SLC36A1: variants seen among roughly 807,000 people sequenced by gnomAD.
SLC36A1 encodes solute carrier family 36 member 1.
Under a neutral mutation model 47.5 loss-of-function variants are expected in SLC36A1, and 30 were observed. The ratio of observed to expected loss-of-function variants is 0.63; its 90% CI spans 0.47 to 0.86. The LOEUF is 0.86. Among genes scored for constraint, SLC36A1 ranks in the 40% least tolerant of loss-of-function variants. The pLI is 0.00. For synonymous variants in SLC36A1, 255 were observed against 249.7 expected (o/e 1.02, Z -0.20); for missense variants, 517 against 606.0 (o/e 0.85, Z 1.54).
chr5:151,529,962 TTTTG>T, the SLC36A1 span, among the ~76,000 whole-genome samples: 7 of 152,232 alleles, frequency 4.6e-5, no homozygotes, highest in Non-Finnish European at 8.8e-5. Context: ...ACACTCTGCT[TTTTG>T]TTTTATTTTA....
chr5:151,522,224 T>A, the SLC36A1 span: 1 of 613,402 alleles, frequency 1.6e-6, no homozygotes, highest in Non-Finnish European at 2.7e-6. Context: ...ATTGTTGCAT[T>A]TAGAAAAAAA....
At chr5:151,458,322 ATATATATATATGGGATATT>A (rs1351108246) in intron 1 of SLC36A1, among the ~76,000 whole-genome samples, 41 of 105,106 alleles carry the variant, frequency 3.9e-4, no homozygotes, top group African/African-American at 1.2e-3. Context: ...GTATATATAT[ATATATATATATGGGATATT>A]TATATATATA....
chr5:151,383,568 TAA>T, the SLC36A1 span, among the ~76,000 whole-genome samples: 10 of 123,848 alleles, frequency 8.1e-5, no homozygotes, highest in African/African-American at 1.2e-4. Flanking sequence ...CATTTTAACT[TAA>T]ATTTTTTTTT....
At chr5:151,446,264 G>A (rs550080007), upstream of SLC36A1, among the ~76,000 whole-genome samples, 5 of 152,270 alleles carry the variant, frequency 3.3e-5, no homozygotes, top group South Asian at 8.3e-4. Flanking sequence ...GGGTATGGTG[G>A]CTCACACCTA....
At chr5:151,540,179 G>A in the SLC36A1 span, among the ~76,000 whole-genome samples, 2 of 152,242 alleles carry the variant, frequency 1.3e-5, no homozygotes, top group African/African-American at 4.8e-5. Context: ...TGTAGGGGGA[G>A]AGATGTGGGC....
At chr5:151,546,482 T>TAG in the SLC36A1 span, 11 of 599,450 alleles carry the variant, frequency 1.8e-5, no homozygotes, top group Admixed American at 2.1e-4. Flanking sequence ...ATATAGTGTA[T>TAG]AGAGTAGATA....
chr5:151,511,215 T>C, the SLC36A1 span: 1 of 152,132 alleles, frequency 6.6e-6, no homozygotes, highest in Non-Finnish European at 1.5e-5. Flanking sequence ...AGAAATGACA[T>C]GATTAGCCAG....
At chr5:151,366,565 A>T in the SLC36A1 span, 1 of 235,590 alleles carries the variant, frequency 4.2e-6, no homozygotes, top group East Asian at 1.5e-4. Flanking sequence ...CATCTCCAGG[A>T]GGCACAGGAT....
chr5:151,425,505 C>T, the SLC36A1 span: 1 of 152,226 alleles, frequency 6.6e-6, no homozygotes, highest in South Asian at 2.1e-4. Flanking sequence ...TGCAAATACC[C>T]AGTGTAGAGA....
the SLC36A1 span, among the ~76,000 whole-genome samples, chr5:151,417,700 CAGA>C: frequency 0.16 from 24,545 of 150,522 alleles, 2,227 homozygotes; most frequent in East Asian, 0.38. Context: ...AAAAGGGAAG[CAGA>C]GCATAAAAGT....
intron 10 of SLC36A1, among the ~76,000 whole-genome samples, chr5:151,487,347 G>C (rs165366): frequency 0.34 from 51,753 of 152,144 alleles, 10,481 homozygotes; most frequent in African/African-American, 0.57. Context: ...CCTCCTTCCT[G>C]GCTCACCCGT....
chr5:151,382,788 G>A, the SLC36A1 span, among the ~76,000 whole-genome samples: 1 of 152,152 alleles, frequency 6.6e-6, no homozygotes, highest in East Asian at 1.9e-4. Flanking sequence ...GAATAATTTT[G>A]CCTGGAGGAA....
At chr5:151,481,663 TC>T (rs1758818629) in intron 10 of SLC36A1, among the ~76,000 whole-genome samples, 1 of 152,080 alleles carries the variant, frequency 6.6e-6, no homozygotes, top group African/African-American at 2.4e-5. Flanking sequence ...CTCTTGGAAT[TC>T]AACTTTCTCA....
At chr5:151,543,016 A>C in the SLC36A1 span, 455 of 1,614,108 alleles carry the variant, frequency 2.8e-4, no homozygotes, top group Non-Finnish European at 3.6e-4. Context: ...CCCCTCTGGA[A>C]GGTCTTCAGG....
At chr5:151,432,950 C>G (rs1021519918), upstream of SLC36A1, among the ~76,000 whole-genome samples, 2 of 151,760 alleles carry the variant, frequency 1.3e-5, no homozygotes, top group African/African-American at 4.8e-5. Context: ...TTATGAAATC[C>G]TAAGCAGAGG....
At chr5:151,411,003 C>T in the SLC36A1 span, among the ~76,000 whole-genome samples, 1 of 144,948 alleles carries the variant, frequency 6.9e-6, no homozygotes, top group Admixed American at 6.8e-5. Context: ...AAAGTCTATA[C>T]TTGTACCCAT....
At chr5:151,472,271 G>A (rs776460491) in intron 7 of SLC36A1, among the ~76,000 whole-genome samples, 22 of 152,264 alleles carry the variant, frequency 1.4e-4, no homozygotes, top group Non-Finnish European at 2.2e-4. Flanking sequence ...GGAGAAAGAT[G>A]TAGCCTGGGA....
chr5:151,449,743 G>A (rs1753344371), intron 1 of SLC36A1, among the ~76,000 whole-genome samples: 1 of 152,234 alleles, frequency 6.6e-6, no homozygotes, highest in African/African-American at 2.4e-5. Context: ...AGAACACTGA[G>A]CACGGAGCTC....
At chr5:151,380,491 C>T in the SLC36A1 span, 2 of 473,342 alleles carry the variant, frequency 4.2e-6, no homozygotes, top group Admixed American at 2.3e-5. Context: ...TATCCAAGAG[C>T]AGTTATGATG....
Sources: allele counts gnomAD v4.1 joint callset (sites outside exome capture counted in the v4.1 genomes callset), GRCh38; gene constraint gnomAD v4.1.1; transcripts MANE v1.5; gene names NCBI Gene and HGNC (gene_info 2026-07-23, HGNC 2026-07-21).